Variants in FSTL4 observed in about 807,000 individuals in gnomAD.
FSTL4 encodes the protein follistatin like 4, also known as follistatin-related protein 4.
FSTL4 carries 28 observed loss-of-function variants against 78.2 expected under a neutral mutation model. That is an observed-to-expected ratio of 0.36 (90% CI 0.27 to 0.49). FSTL4 has a LOEUF of 0.49. FSTL4 is among the 20% of genes least tolerant of loss of function. The pLI is 0.98. For missense variants in FSTL4, 922 were observed against 1,084.9 expected, an observed-to-expected ratio of 0.85 and a Z score of 2.11; for synonymous variants, 422 against 440.5, an observed-to-expected ratio of 0.96 and a Z score of 0.53.
chr5:133,810,231 A>G, the FSTL4 span, among the ~76,000 whole-genome samples: 1 of 152,236 alleles, frequency 6.6e-6, no homozygotes, highest in East Asian at 1.9e-4. Context: ...TGCCCCTCTT[A>G]CAAATGACAC....
At chr5:133,539,969 G>A (rs185463179) in intron 3 of FSTL4, among the ~76,000 whole-genome samples, 1,638 of 148,482 alleles carry the variant, frequency 0.011, 15 homozygotes, top group Non-Finnish European at 0.014. Context: ...TTTCTTTGAT[G>A]AGGTAAACAT....
At chr5:133,332,372 C>T (rs17683909) in intron 4 of FSTL4, among the ~76,000 whole-genome samples, 2,114 of 152,334 alleles carry the variant, frequency 0.014, 17 homozygotes, top group Non-Finnish European at 0.024. Flanking sequence ...GCTGCCTTGT[C>T]TGTCATGGTA....
At chr5:133,514,767 T>C (rs1758820534) in intron 3 of FSTL4, among the ~76,000 whole-genome samples, 1 of 152,236 alleles carries the variant, frequency 6.6e-6, no homozygotes, top group South Asian at 2.1e-4. Context: ...CAAAACAATT[T>C]ATTTTTTAAA....
At chr5:133,669,533 C>G in the FSTL4 span, among the ~76,000 whole-genome samples, 1 of 152,130 alleles carries the variant, frequency 6.6e-6, no homozygotes, top group Non-Finnish European at 1.5e-5. Context: ...TGAAGTGTGC[C>G]CTGCCCCCAG....
At chr5:133,241,373 CAAAT>C (rs879606357) in intron 7 of FSTL4, among the ~76,000 whole-genome samples, 2 of 152,200 alleles carry the variant, frequency 1.3e-5, no homozygotes, top group Non-Finnish European at 2.9e-5. Flanking sequence ...CTCAAAAACT[CAAAT>C]AGGGAAGTTC....
At chr5:133,691,742 T>C in the FSTL4 span, among the ~76,000 whole-genome samples, 1 of 151,608 alleles carries the variant, frequency 6.6e-6, no homozygotes, top group Non-Finnish European at 1.5e-5. Context: ...ACACAAGAGG[T>C]GCTCTGTAAA....
intron 12 of FSTL4, 131 bp downstream of exon 12, chr5:133,220,617 G>A (rs1561625555): frequency 1.5e-6 from 1 of 684,616 alleles, no homozygotes; most frequent in Non-Finnish European, 2.7e-6. Flanking sequence ...CTTAGCCTGG[G>A]AAAAAATTTG....
chr5:133,233,432 C>T lies in FSTL4; in HGVS notation c.1000G>A (p.Val334Ile), dbSNP rs781551655. Residue 334 changes from valine to isoleucine, a missense_variant, in exon 8 of 16, where the codon GTC becomes ATC. Val to Ile is a conservative substitution (Grantham distance 29). Coordinates refer to ENST00000265342, the MANE Select transcript of FSTL4 (RefSeq NM_015082.2). ...ATTTACTAACCATTCACCTGCAGGA[C>T]GTGGGTCTGGAACAGCTGCTCGTGG... ...SGHEQLFQTH[V>I]LQVNVPPVIR... 4.3e-6 allele frequency: 7 copies of T among 1,614,036 alleles called. No homozygotes were observed. The highest frequency in any genetic ancestry group is 2.2e-5 in the South Asian group (2 of 91,072).
the FSTL4 span, among the ~76,000 whole-genome samples, chr5:133,789,795 G>A: frequency 6.6e-6 from 1 of 152,156 alleles, no homozygotes; most frequent in African/African-American, 2.4e-5. Flanking sequence ...GTTGGGGTGG[G>A]GGAATCTCTG....
chr5:133,611,995 C>A lies in FSTL4; in HGVS notation c.-11+330G>T. On this transcript the variant is annotated intron_variant, in intron 1 of 15. Coordinates refer to ENST00000265342, the MANE Select transcript of FSTL4 (RefSeq NM_015082.2). This position sits in a 1 kb window ranked among gnomAD's most constrained non-coding sequence, Gnocchi z 4.9. ...GCGCGAGCTGCGGGCTCGGCCCGAG[C>A]GCTTCTGCGTGGCGCCCCGCGTGCC... 6.6e-6 allele frequency among the ~76,000 whole-genome samples: 1 copy of A among 152,030 alleles called. No homozygotes were observed. The highest frequency in any genetic ancestry group is 1.5e-5 in the Non-Finnish European group (1 of 67,954).
the FSTL4 span, among the ~76,000 whole-genome samples, chr5:133,687,507 T>C: frequency 6.6e-6 from 1 of 152,118 alleles, no homozygotes; most frequent in Non-Finnish European, 1.5e-5. Flanking sequence ...AGGAGAGAGA[T>C]CTGAGGAACA....
At chr5:133,809,932 C>A in the FSTL4 span, among the ~76,000 whole-genome samples, 1 of 152,232 alleles carries the variant, frequency 6.6e-6, no homozygotes, top group African/African-American at 2.4e-5. Flanking sequence ...TATCATGATG[C>A]ACAAAGGCAG....
the FSTL4 span, among the ~76,000 whole-genome samples, chr5:133,632,222 A>G: frequency 6.6e-6 from 1 of 152,048 alleles, no homozygotes; most frequent in Non-Finnish European, 1.5e-5. Context: ...AGTTCAAGTA[A>G]AGTATAAGAA....
At chr5:133,715,449 G>A in the FSTL4 span, among the ~76,000 whole-genome samples, 63 of 152,296 alleles carry the variant, frequency 4.1e-4, 1 homozygote, top group African/African-American at 1.3e-3. Context: ...GAGAACAATG[G>A]CTCCAAATGA....
intron 3 of FSTL4, among the ~76,000 whole-genome samples, chr5:133,555,630 T>C (rs993397006): frequency 6.6e-6 from 1 of 152,226 alleles, no homozygotes; most frequent in Admixed American, 6.5e-5. Context: ...AAAAGTAATA[T>C]GCCAGCACAG....
the FSTL4 span, among the ~76,000 whole-genome samples, chr5:133,777,062 A>G: frequency 6.6e-6 from 1 of 152,194 alleles, no homozygotes; most frequent in Admixed American, 6.5e-5. Context: ...ACCATGTACC[A>G]GGCACTGCAC....
intron 4 of FSTL4, among the ~76,000 whole-genome samples, chr5:133,356,605 G>A (rs1345333839): frequency 1.3e-5 from 2 of 152,228 alleles, no homozygotes; most frequent in Admixed American, 1.3e-4. Flanking sequence ...GGCCCCAGGA[G>A]CCCGTTGATG....
At chr5:133,660,942 G>C in the FSTL4 span, among the ~76,000 whole-genome samples, 2 of 152,168 alleles carry the variant, frequency 1.3e-5, no homozygotes, top group East Asian at 3.9e-4. Flanking sequence ...AGAGGAGCTC[G>C]TGAGCTCTAG....
At chr5:133,711,628 C>T in the FSTL4 span, among the ~76,000 whole-genome samples, 6 of 152,228 alleles carry the variant, frequency 3.9e-5, no homozygotes, top group Non-Finnish European at 7.3e-5. Flanking sequence ...AGACACAGAG[C>T]TGAGCACTGT....
Sources: gnomAD v4.1 joint callset for allele counts (sites outside exome capture counted in the v4.1 genomes callset) on GRCh38, gnomAD v4.1.1 for gene constraint, Gnocchi (gnomAD v3.1) non-coding constraint, MANE v1.5 for transcripts, NCBI Gene and HGNC (gene_info 2026-07-23, HGNC 2026-07-21) for gene names.